TSPAN15: variants seen among roughly 807,000 people sequenced by gnomAD.
TSPAN15 encodes tetraspanin-15.
A neutral mutation model predicts 34.5 loss-of-function variants in TSPAN15; 20 were observed. That is an observed-to-expected ratio of 0.58 (90% CI 0.41 to 0.84). The LOEUF is 0.84. TSPAN15 is among the 40% of genes least tolerant of loss of function. The probability of loss-of-function intolerance (pLI) is 0.00; values close to 1 mark genes in which losing one functional copy is unlikely to be tolerated. For missense variants in TSPAN15, 313 were observed against 386.1 expected (o/e 0.81, Z 1.59); for synonymous variants, 155 against 153.9 (o/e 1.01, Z -0.05).
At chr10:69,501,529 G>A (rs935233528) in intron 5 of TSPAN15, among the ~76,000 whole-genome samples, 1 of 152,180 alleles carries the variant, frequency 6.6e-6, no homozygotes, top group Admixed American at 6.5e-5. Flanking sequence ...ATGAGTACAC[G>A]GGAAATATGT....
intron 5 of TSPAN15, among the ~76,000 whole-genome samples, chr10:69,499,464 A>T (rs1425469351): frequency 6.6e-6 from 1 of 152,158 alleles, no homozygotes. Flanking sequence ...GCGTGGGGTG[A>T]TCCTGAACCT....
intron 1 of TSPAN15, among the ~76,000 whole-genome samples, chr10:69,480,807 C>T (rs1457949051): frequency 6.6e-6 from 1 of 152,184 alleles, no homozygotes; most frequent in African/African-American, 2.4e-5. Flanking sequence ...AGGCGATGCT[C>T]CTGCCTCAGC....
chr10:69,501,318 G>A (rs1842203046), intron 5 of TSPAN15, among the ~76,000 whole-genome samples: 1 of 152,206 alleles, frequency 6.6e-6, no homozygotes, highest in South Asian at 2.1e-4. Context: ...ATCTGAATGA[G>A]AGCACTGAGG....
At chr10:69,509,305 G>A (rs78011202), downstream of TSPAN15, among the ~76,000 whole-genome samples, 2 of 152,284 alleles carry the variant, frequency 1.3e-5, no homozygotes, top group African/African-American at 4.8e-5. Context: ...CTAAGCTCCA[G>A]CAGACACTCA....
At chr10:69,547,511 T>C in the TSPAN15 span, among the ~76,000 whole-genome samples, 1 of 152,186 alleles carries the variant, frequency 6.6e-6, no homozygotes, top group African/African-American at 2.4e-5. Context: ...AAATGTCTAC[T>C]CTCATAAATA....
chr10:69,456,826 C>T (rs1841122121), intron 1 of TSPAN15, among the ~76,000 whole-genome samples: 1 of 152,170 alleles, frequency 6.6e-6, no homozygotes, highest in Non-Finnish European at 1.5e-5. Context: ...AGGTATACCC[C>T]TAAACCACTT....
In TSPAN15 at chr10:69,507,422, A is replaced by T. The variant is rs568886774; in HGVS notation, c.*444A>T. 6 of 1,268,974 alleles carry T rather than the reference A, an allele frequency of 4.7e-6. No individual in the cohort carries two copies. Among genetic ancestry groups the T allele is most frequent in the Non-Finnish European group, 6.1e-6 (6 of 977,266 alleles). 78.6% of individuals were successfully genotyped at this position (1,268,974 alleles called of 1,614,324 possible). Reference sequence around the variant, plus strand: ...GAAGGGCAGGAGGGAAGAGCTGTCCATGCAGCCACGCCCATGGCCAGGTTG... The same window carrying T: ...GAAGGGCAGGAGGGAAGAGCTGTCCTTGCAGCCACGCCCATGGCCAGGTTG... On this transcript the variant is annotated 3_prime_UTR_variant, in exon 8 of 8. Coordinates refer to ENST00000373290, the MANE Select transcript of TSPAN15 (RefSeq NM_012339.5).
chr10:69,462,367 C>T (rs1841287172), intron 1 of TSPAN15, among the ~76,000 whole-genome samples: 1 of 151,782 alleles, frequency 6.6e-6, no homozygotes, highest in African/African-American at 2.4e-5. Context: ...CGGAGTCTTG[C>T]TCTGTCGCCC....
At chr10:69,537,204 G>T in the TSPAN15 span, among the ~76,000 whole-genome samples, 15,527 of 152,070 alleles carry the variant, frequency 0.1, 1,212 homozygotes, top group East Asian at 0.42. Context: ...AGGCTGCAGG[G>T]CAACAACCGT....
At chr10:69,482,695 A>G (rs1161877189) in intron 1 of TSPAN15, among the ~76,000 whole-genome samples, 1 of 58,970 alleles carries the variant, frequency 1.7e-5, no homozygotes, top group East Asian at 2.6e-4. Flanking sequence ...AGATGAGAAC[A>G]CAGACTCACA....
chr10:69,521,415 C>T, the TSPAN15 span, among the ~76,000 whole-genome samples: 2 of 146,536 alleles, frequency 1.4e-5, no homozygotes, highest in South Asian at 2.2e-4. Flanking sequence ...GAGGCTGAGG[C>T]GGGCAGATCG....
At chr10:69,533,683 AAAG>A in the TSPAN15 span, among the ~76,000 whole-genome samples, 1 of 152,234 alleles carries the variant, frequency 6.6e-6, no homozygotes, top group Non-Finnish European at 1.5e-5. Context: ...AATATAGAAA[AAAG>A]AAAATTAATC....
the TSPAN15 span, among the ~76,000 whole-genome samples, chr10:69,542,673 G>C: frequency 5.2e-4 from 79 of 152,272 alleles, no homozygotes; most frequent in African/African-American, 1.7e-3. Flanking sequence ...GGTGTGGCAG[G>C]GGGGAGCCCC....
rs543228910 is a variant in TSPAN15 at position 69,467,150 on chromosome 10, C to T, written c.96+15460C>T. ...AGGATTTAAGGTGACAAGAGACCCTCCTTCTCCCTTCCCCCAGGCCTCTTC... is the reference window on the plus strand; with the variant it reads ...AGGATTTAAGGTGACAAGAGACCCTTCTTCTCCCTTCCCCCAGGCCTCTTC... On this transcript the variant is annotated intron_variant, in intron 1 of 7. Coordinates refer to ENST00000373290, the MANE Select transcript of TSPAN15 (RefSeq NM_012339.5). Among the ~76,000 whole-genome samples, 509 of 152,312 alleles carry T rather than the reference C, an allele frequency of 3.3e-3. 4 individuals are homozygous for T. The highest frequency in any genetic ancestry group is 0.012 in the African/African-American group (493 of 41,562).
intron 5 of TSPAN15, among the ~76,000 whole-genome samples, chr10:69,503,659 C>CA (rs1477727408): frequency 6.6e-6 from 1 of 152,146 alleles, no homozygotes; most frequent in Non-Finnish European, 1.5e-5. Flanking sequence ...CTGCAGCACT[C>CA]ACGGCAGCGT....
At chr10:69,511,794 C>T (rs1198315071), downstream of TSPAN15, among the ~76,000 whole-genome samples, 1 of 152,030 alleles carries the variant, frequency 6.6e-6, no homozygotes, top group Non-Finnish European at 1.5e-5. Flanking sequence ...ATTGCAGGGA[C>T]ATGGATGAAG....
the TSPAN15 span, among the ~76,000 whole-genome samples, chr10:69,538,191 G>C: frequency 1.3e-5 from 2 of 152,272 alleles, no homozygotes. Flanking sequence ...AGGAATGGAG[G>C]GGGGAAACAA....
chr10:69,515,837 C>T, the TSPAN15 span, among the ~76,000 whole-genome samples: 1 of 152,324 alleles, frequency 6.6e-6, no homozygotes, highest in Non-Finnish European at 1.5e-5. Context: ...TGACCCACTA[C>T]TTGGCAGCCA....
the TSPAN15 span, among the ~76,000 whole-genome samples, chr10:69,518,009 C>T: frequency 5.9e-5 from 9 of 152,204 alleles, no homozygotes; most frequent in African/African-American, 2.2e-4. Context: ...TGACTGGACA[C>T]ACAACTCAGA....
Sources: gnomAD v4.1 joint callset for allele counts (sites outside exome capture counted in the v4.1 genomes callset) on GRCh38, gnomAD v4.1.1 for gene constraint, MANE v1.5 for transcripts, NCBI Gene and HGNC (gene_info 2026-07-23, HGNC 2026-07-21) for gene names.